The following GOLGA8A variants were observed in gnomAD, a reference collection of about 807,000 sequenced individuals.
GOLGA8A encodes golgin subfamily A member 8A.
GOLGA8A carries 3 observed loss-of-function variants against 22.1 expected under a neutral mutation model. The observed-to-expected ratio is 0.14, with a 90% confidence interval of 0.06 to 0.35. GOLGA8A has a LOEUF of 0.35. GOLGA8A is among the 10% of genes least tolerant of loss of function. GOLGA8A has a pLI of 1.00. For missense variants in GOLGA8A, 16 were observed against 233.2 expected (o/e 0.07, Z 6.07); for synonymous variants, 7 against 91.7 (o/e 0.08, Z 5.28).
intron 8 of GOLGA8A, among the ~76,000 whole-genome samples, chr15:34,393,173 GAGGCCAGAAC>G (rs1274041447): frequency 4.9e-5 from 7 of 143,636 alleles, no homozygotes; most frequent in East Asian, 4.0e-4. Context: ...AGTAGAAGAT[GAGGCCAGAAC>G]ACGGCGCCAC....
intron 2 of GOLGA8A, among the ~76,000 whole-genome samples, chr15:34,429,878 C>T (rs1034016412): frequency 2.0e-5 from 3 of 147,848 alleles, no homozygotes; most frequent in Non-Finnish European, 4.5e-5. Context: ...GTTAGTGTCC[C>T]GCACCCCTTT....
chr15:34,424,960 C>G (rs1169886245), intron 2 of GOLGA8A, among the ~76,000 whole-genome samples: 2 of 143,292 alleles, frequency 1.4e-5, no homozygotes, highest in Non-Finnish European at 3.0e-5. Context: ...ATTAGCCAGG[C>G]GTGGTGGACC....
At chr15:34,414,671 G>A (rs2140259543) in intron 2 of GOLGA8A, among the ~76,000 whole-genome samples, 1 of 137,256 alleles carries the variant, frequency 7.3e-6, no homozygotes, top group East Asian at 2.1e-4. Context: ...AGCCATGCTG[G>A]CCCCTAAGCA....
intron 2 of GOLGA8A, among the ~76,000 whole-genome samples, chr15:34,426,304 A>G (rs1187570027): frequency 6.7e-6 from 1 of 149,732 alleles, no homozygotes; most frequent in Non-Finnish European, 1.5e-5. Flanking sequence ...TGGTGAGCGG[A>G]TCGAACTGCA....
Position 34,380,025 on chromosome 15 carries a change from TG to T in GOLGA8A, c.*1385del, listed in dbSNP as rs1891403019. On this transcript the variant is annotated 3_prime_UTR_variant, in exon 25 of 25. Coordinates refer to ENST00000359187, the MANE Select transcript of GOLGA8A (RefSeq NM_181077.5). Reference sequence around the variant, plus strand: ...ACAAACAGTAGATTGCACCACAGTGTGTAAACATTTTAAGTTGCATAAACTT... The same window carrying T: ...ACAAACAGTAGATTGCACCACAGTGTTAAACATTTTAAGTTGCATAAACTT... The T allele has an allele frequency of 6.6e-6, 1 of 152,670 alleles. No homozygotes were observed. The highest frequency in any genetic ancestry group is 1.5e-5 in the Non-Finnish European group (1 of 68,040). 9.5% of individuals were successfully genotyped at this position (152,670 alleles called of 1,614,324 possible). A position where few individuals can be genotyped will look rare whatever the true frequency, so the allele number is the denominator to read the frequency against.
chr15:34,427,323 T>TC (rs1484266913), intron 2 of GOLGA8A, among the ~76,000 whole-genome samples: 1 of 81,690 alleles, frequency 1.2e-5, no homozygotes, highest in Non-Finnish European at 2.3e-5. Context: ...AGAGTGAGAC[T>TC]CCGTCACAAA....
At chr15:34,421,466 C>T (rs1595661268) in intron 2 of GOLGA8A, among the ~76,000 whole-genome samples, 1 of 139,284 alleles carries the variant, frequency 7.2e-6, no homozygotes, top group African/African-American at 2.7e-5. Context: ...TCAGTGATAC[C>T]CAGGAAATGA....
chr15:34,423,494 G>A (rs1345506803), intron 2 of GOLGA8A, among the ~76,000 whole-genome samples: 2 of 147,840 alleles, frequency 1.4e-5, no homozygotes, highest in Non-Finnish European at 3.0e-5. Flanking sequence ...AAAAGTCTAT[G>A]ATGTGCAAAA....
intron 2 of GOLGA8A, among the ~76,000 whole-genome samples, chr15:34,432,993 C>T (rs545104458): frequency 1.3e-5 from 2 of 148,972 alleles, no homozygotes; most frequent in South Asian, 2.2e-4. Flanking sequence ...AGGCCTCACG[C>T]GGGTATTGCA....
intron 2 of GOLGA8A, chr15:34,417,630 A>T (rs1265689743): frequency 6.9e-6 from 1 of 145,914 alleles, no homozygotes; most frequent in Non-Finnish European, 1.5e-5. Flanking sequence ...ACACTGTTAG[A>T]ATGCATACGG....
intron 2 of GOLGA8A, among the ~76,000 whole-genome samples, chr15:34,431,306 T>TATAC (rs1893226201): frequency 2.3e-4 from 3 of 12,792 alleles, no homozygotes; most frequent in African/African-American, 5.8e-4. Context: ...TATATATATA[T>TATAC]ATATACATAT....
chr15:34,433,770 A>G (rs1345388686), intron 2 of GOLGA8A, among the ~76,000 whole-genome samples: 1 of 149,770 alleles, frequency 6.7e-6, no homozygotes, highest in African/African-American at 2.5e-5. Context: ...GAGGTGAACA[A>G]AGTCTTTTAC....
chr15:34,410,795 G>C (rs1197735277), intron 2 of GOLGA8A, among the ~76,000 whole-genome samples: 3 of 118,128 alleles, frequency 2.5e-5, no homozygotes, highest in African/African-American at 8.7e-5. Context: ...TCACCGCTCA[G>C]ACTCAGGACT....
At chr15:34,433,221 T>G (rs1313548880) in intron 2 of GOLGA8A, among the ~76,000 whole-genome samples, 1 of 148,618 alleles carries the variant, frequency 6.7e-6, no homozygotes, top group Non-Finnish European at 1.5e-5. Flanking sequence ...GAAAGCAGAG[T>G]GGCTGAGAGC....
chr15:34,420,321 G>A (rs1440338716), intron 2 of GOLGA8A: 3 of 144,758 alleles, frequency 2.1e-5, no homozygotes, highest in African/African-American at 5.2e-5. Context: ...TGACAGGGGC[G>A]TGATTTACTA....
intron 2 of GOLGA8A, among the ~76,000 whole-genome samples, chr15:34,425,561 C>A (rs201541793): frequency 0.054 from 7,541 of 138,976 alleles, 414 homozygotes; most frequent in South Asian, 0.14. Context: ...ATACAAAATT[C>A]AGGAGTAATT....
chr15:34,433,334 C>G (rs1423221612), intron 2 of GOLGA8A, among the ~76,000 whole-genome samples: 1 of 149,000 alleles, frequency 6.7e-6, no homozygotes, highest in African/African-American at 2.5e-5. Context: ...AAAGTGCATC[C>G]ACATCCGAGG....
At chr15:34,436,290 G>A (rs996795323) in intron 1 of GOLGA8A, among the ~76,000 whole-genome samples, 3 of 149,418 alleles carry the variant, frequency 2.0e-5, no homozygotes, top group African/African-American at 7.4e-5. Flanking sequence ...AAACAGGAAG[G>A]AAAATAGAAA....
chr15:34,417,548 G>A (rs1595657459), intron 2 of GOLGA8A: 1 of 141,732 alleles, frequency 7.1e-6, no homozygotes. Context: ...TCAATTCTAT[G>A]TAGAAATATA....
Sources: gnomAD v4.1 joint callset for allele counts (sites outside exome capture counted in the v4.1 genomes callset) on GRCh38, gnomAD v4.1.1 for gene constraint, MANE v1.5 for transcripts, NCBI Gene and HGNC (gene_info 2026-07-23, HGNC 2026-07-21) for gene names.